SOX30: variants seen among roughly 807,000 people sequenced by gnomAD.
SOX30 encodes transcription factor SOX-30.
In SOX30, 17 loss-of-function variants were observed where a neutral mutation model predicts 58.6. The ratio of observed to expected loss-of-function variants is 0.29; its 90% confidence interval spans 0.20 to 0.44. The LOEUF is 0.44. Ranked by LOEUF, SOX30 falls within the 20% of genes least tolerant of loss-of-function variation. The pLI is 1.00. For missense variants in SOX30, 951 were observed against 965.8 expected, an observed-to-expected ratio of 0.98 and a Z score of 0.20; for synonymous variants, 421 against 400.2, an observed-to-expected ratio of 1.05 and a Z score of -0.62.
In SOX30 at chr5:157,626,404, A is replaced by T. The variant is rs929640072; in HGVS notation, c.2198T>A (p.Ile733Asn). The T allele has an allele frequency of 7.4e-6, 12 of 1,613,932 alleles. No individual in the cohort carries two copies. In the African/African-American group the frequency reaches 1.2e-4, roughly 16 times the overall value. Reference sequence around the variant, plus strand: ...ACTGTCGGTGACATTGACTTGCTGGATGCTAGAAGGAGTTGATGTCGGGGC... The same window carrying T: ...ACTGTCGGTGACATTGACTTGCTGGTTGCTAGAAGGAGTTGATGTCGGGGC... ...FTAPTSTPSS[I>N]QQVNVTDSDE... The change falls in exon 5 of 5, where the codon ATC becomes AAC. Residue 733 changes from isoleucine to asparagine, a missense_variant. By Grantham distance (149) the Ile-to-Asn change is moderately radical (BLOSUM62 -3). Around this residue, in one of 7 missense-constraint regions of SOX30, gnomAD observed 381 missense variants for 390.0 expected, o/e 0.98. Coordinates refer to ENST00000265007, the MANE Select transcript of SOX30 (RefSeq NM_178424.2).
intron 1 of SOX30, among the ~76,000 whole-genome samples, chr5:157,650,109 T>A (rs953681949): frequency 1.3e-5 from 2 of 152,148 alleles, no homozygotes; most frequent in African/African-American, 4.8e-5. Context: ...AATTCACATC[T>A]CTCATGTATT....
At chr5:157,670,717 A>C (rs112806392) in intron 1 of SOX30, among the ~76,000 whole-genome samples, 1 of 152,200 alleles carries the variant, frequency 6.6e-6, no homozygotes, top group Non-Finnish European at 1.5e-5. Flanking sequence ...GGCTTCCCTC[A>C]TCTGGTTCGA....
Position 157,642,315 on chromosome 5 carries a change from C to CA in SOX30, c.1388-3594dup, listed in dbSNP as rs11317659. Among the ~76,000 whole-genome samples, 634 of 116,852 alleles carry CA rather than the reference C, an allele frequency of 5.4e-3. 5 individuals carry two copies. Among genetic ancestry groups the CA allele is most frequent in the Admixed American group, 9.9e-3 (109 of 11,048 alleles). 76.7% of individuals were successfully genotyped at this position (116,852 alleles called of 152,430 possible). A position where few individuals can be genotyped will look rare whatever the true frequency, so the allele number is the denominator to read the frequency against. ...TGGGAGACAGAGTAAGATTCCCTCT[C>CA]AAAAAAAAAAAAAAAGAAGAAGCTT... On this transcript the variant is annotated intron_variant, in intron 3 of 4. Coordinates refer to ENST00000265007, the MANE Select transcript of SOX30 (RefSeq NM_178424.2).
At chr5:157,635,625 A>G (rs539241948) in intron 4 of SOX30, among the ~76,000 whole-genome samples, 3 of 150,320 alleles carry the variant, frequency 2.0e-5, no homozygotes, top group East Asian at 3.9e-4. Flanking sequence ...CTCTGTCTCA[A>G]AAAAAAAACA....
intron 4 of SOX30, among the ~76,000 whole-genome samples, chr5:157,631,064 TATATAC>T (rs61639249): frequency 0.32 from 14,828 of 47,052 alleles, 991 homozygotes; most frequent in South Asian, 0.39. Flanking sequence ...TATATATATA[TATATAC>T]ACACAATATA....
Position 157,652,103 on chromosome 5 carries a change from G to T in SOX30, c.-25C>A. 1.4e-6 allele frequency: 2 copies of T among 1,392,780 alleles called. No homozygotes were observed. Among genetic ancestry groups the T allele is most frequent in the South Asian group, 1.6e-5 (1 of 60,940 alleles). 86.3% of individuals were successfully genotyped at this position (1,392,780 alleles called of 1,614,324 possible). On this transcript the variant is annotated 5_prime_UTR_variant, in exon 1 of 5. Coordinates refer to ENST00000265007, the MANE Select transcript of SOX30 (RefSeq NM_178424.2). ...TGGGGGAGGGGGACGCCCCGGCCAG[G>T]ATTGTGAGCTCAGCCGTTTGTTGGC...
At chr5:157,626,943 G>A (rs1304679541) in intron 4 of SOX30, among the ~76,000 whole-genome samples, 3 of 152,186 alleles carry the variant, frequency 2.0e-5, no homozygotes, top group South Asian at 2.1e-4. Flanking sequence ...ATTATCTATC[G>A]TTAGCCTCAG....
rs201215782 is a variant in SOX30, at chr5:157,626,657, G to A, written c.1945C>T (p.Leu649Phe). Reference protein sequence around the residue: ...GNFPSSMPECLSYYEDRYPKH... With the variant: ...GNFPSSMPECFSYYEDRYPKH... The stretch of plus-strand genomic sequence containing the variant: ...GGGTACCTGTCTTCATAATAACTAA[G>A]GCATTCTGGCATTGAACTCGGAAAA... The change falls in exon 5 of 5, where the codon CTT (leucine) becomes TTT (phenylalanine). Residue 649 changes from leucine to phenylalanine, a missense_variant. Leu to Phe is a conservative substitution (Grantham distance 22). This residue lies in a region of SOX30 where 381 missense variants were observed against 390.0 expected (regional missense o/e 0.98). Transcript: ENST00000265007. 1 of 1,613,672 alleles carries A rather than the reference G, an allele frequency of 6.2e-7. No homozygotes were observed. The highest frequency in any genetic ancestry group is 8.5e-7 in the Non-Finnish European group (1 of 1,179,948).
chr5:157,633,257 A>G (rs1184584979), intron 4 of SOX30, among the ~76,000 whole-genome samples: 1 of 152,074 alleles, frequency 6.6e-6, no homozygotes, highest in African/African-American at 2.4e-5. Flanking sequence ...CAGGATCACA[A>G]TTTGTTGCCA....
intron 2 of SOX30, among the ~76,000 whole-genome samples, chr5:157,663,099 TTA>T: frequency 6.6e-6 from 1 of 152,258 alleles, no homozygotes; most frequent in South Asian, 2.1e-4. Flanking sequence ...CTAACTCATT[TTA>T]TGAGGCCAGC....
At chr5:157,643,165 T>C (rs887936932) in intron 3 of SOX30, among the ~76,000 whole-genome samples, 23 of 152,148 alleles carry the variant, frequency 1.5e-4, no homozygotes, top group Admixed American at 4.6e-4. Flanking sequence ...GGCTCACACC[T>C]GCAATCTCAG....
chr5:157,652,196 T>G lies in SOX30; in HGVS notation c.-118A>C. ...TTTGCTACCCAGAACCCTACGCGGT[T>G]CAAAACGCAGCTGTCTGTCTGGGCC... is the stretch of plus-strand genomic sequence containing the variant. On this transcript the variant is annotated 5_prime_UTR_variant, in exon 1 of 5. Coordinates refer to ENST00000265007, the MANE Select transcript of SOX30 (RefSeq NM_178424.2). The G allele has an allele frequency of 7.6e-7, 1 of 1,323,416 alleles. No individual in the cohort carries two copies. Among genetic ancestry groups the G allele is most frequent in the South Asian group, 2.3e-5 (1 of 42,750 alleles). 82.0% of individuals were successfully genotyped at this position (1,323,416 alleles called of 1,614,324 possible). A position where few individuals can be genotyped will look rare whatever the true frequency, so the allele number is the denominator to read the frequency against.
intron 4 of SOX30, among the ~76,000 whole-genome samples, chr5:157,630,824 C>T (rs938452145): frequency 2.9e-5 from 4 of 139,728 alleles, no homozygotes; most frequent in Non-Finnish European, 4.5e-5. Context: ...TTCTGGATTT[C>T]CCATTTATAT....
At chr5:157,649,737 C>G (rs1348620223) in intron 1 of SOX30, among the ~76,000 whole-genome samples, 1 of 152,136 alleles carries the variant, frequency 6.6e-6, no homozygotes, top group Non-Finnish European at 1.5e-5. Context: ...TTGCAGCGAG[C>G]TGAGATCACG....
Position 157,651,583 on chromosome 5 carries a change from C to T in SOX30, c.496G>A (p.Val166Ile). 1 of 1,613,216 alleles carries T rather than the reference C, an allele frequency of 6.2e-7. No individual in the cohort carries two copies. The highest frequency in any genetic ancestry group is 1.1e-5 in the South Asian group (1 of 91,090). The change falls in exon 1 of 5, where the codon GTC becomes ATC. Residue 166 changes from valine (V) to isoleucine (I), a missense_variant. Around this residue, in one of 7 missense-constraint regions of SOX30, gnomAD observed 363 missense variants for 294.5 expected, o/e 1.23. Transcript: ENST00000265007. ...VETGPRASRV[V>I]KLEGPGPALG... Reference sequence around the variant, plus strand: ...GCCGGCCCGGGGCCTTCCAACTTGACCACCCTGGAGGCTCTAGGACCGGTT... The same window carrying T: ...GCCGGCCCGGGGCCTTCCAACTTGATCACCCTGGAGGCTCTAGGACCGGTT...
intron 4 of SOX30, among the ~76,000 whole-genome samples, chr5:157,637,697 C>A (rs1433995363): frequency 6.6e-6 from 1 of 151,884 alleles, no homozygotes; most frequent in African/African-American, 2.4e-5. Context: ...AACATTAAAG[C>A]CTATATTCTT....
intron 3 of SOX30, among the ~76,000 whole-genome samples, chr5:157,643,974 T>C (rs1036601478): frequency 6.6e-6 from 1 of 152,108 alleles, no homozygotes; most frequent in Non-Finnish European, 1.5e-5. Context: ...GATACTGACC[T>C]CTCTAAATAA....
Position 157,626,688 on chromosome 5 carries a change from A to G in SOX30, c.1914T>C (p.Tyr638=). The change falls in exon 5 of 5, where the codon TAT becomes TAC. Residue 638 remains tyrosine (Y), a synonymous_variant. Coordinates refer to ENST00000265007, the MANE Select transcript of SOX30 (RefSeq NM_178424.2). ...TCPYSRPPFG[Y]GNFPSSMPEC... is the part of the protein sequence containing the mutation. Reference sequence around the variant, plus strand: ...CTGGCATTGAACTCGGAAAATTTCCATAGCCAAAGGGAGGCCGACTGTAAG... The same window carrying G: ...CTGGCATTGAACTCGGAAAATTTCCGTAGCCAAAGGGAGGCCGACTGTAAG... 6.2e-7 allele frequency: 1 copy of G among 1,612,646 alleles called. No individual in the cohort carries two copies. Among genetic ancestry groups the G allele is most frequent in the East Asian group, 2.2e-5 (1 of 44,880 alleles).
At chr5:157,637,574 TATACACA>T (rs1402450560) in intron 4 of SOX30, among the ~76,000 whole-genome samples, 2 of 152,222 alleles carry the variant, frequency 1.3e-5, no homozygotes, top group Non-Finnish European at 2.9e-5. Flanking sequence ...CCACGATTTA[TATACACA>T]ATAAAGTTTG....
Sources: allele counts gnomAD v4.1 joint callset (sites outside exome capture counted in the v4.1 genomes callset), GRCh38; gene constraint gnomAD v4.1.1; regional missense constraint gnomAD v4.1.1; transcripts MANE v1.5; gene names NCBI Gene and HGNC (gene_info 2026-07-23, HGNC 2026-07-21).